Variants in TMEM45B observed in about 807,000 individuals in gnomAD.
TMEM45B encodes the protein transmembrane protein 45B.
In TMEM45B, 29 loss-of-function variants were observed where a neutral mutation model predicts 27.3. The observed-to-expected ratio is 1.06, with a 90% CI of 0.79 to 1.45. The LOEUF is 1.45. Ranked by LOEUF, TMEM45B falls within the 40% of genes most tolerant of loss-of-function variation. The pLI is 0.00. For synonymous variants in TMEM45B, 143 were observed against 134.7 expected, an observed-to-expected ratio of 1.06 and a Z score of -0.43; for missense variants, 348 against 343.9, an observed-to-expected ratio of 1.01 and a Z score of -0.09.
chr11:129,854,222 TTC>T (rs1947888595), intron 2 of TMEM45B, among the ~76,000 whole-genome samples: 1 of 152,228 alleles, frequency 6.6e-6, no homozygotes, highest in Admixed American at 6.5e-5. Flanking sequence ...TGTCTGGGAT[TTC>T]TTTCACTGCT....
Position 129,846,569 on chromosome 11 carries a change from G to A in TMEM45B, c.-8-5906G>A, listed in dbSNP as rs1013425142. Among the ~76,000 whole-genome samples the A allele has an allele frequency of 4.6e-5, 7 of 152,122 alleles. No individual in the cohort carries two copies. In the East Asian group the frequency reaches 9.6e-4, roughly 21 times the overall value. ...TTACTGAGTGCTCACTCTGTGTCTG[G>A]CCCTGCGGTAAGCTGTGGACTAACC... On this transcript the variant is annotated intron_variant, in intron 1 of 5. Coordinates refer to ENST00000281441, the MANE Select transcript of TMEM45B (RefSeq NM_138788.5).
chr11:129,828,379 G>A (rs779185121), intron 1 of TMEM45B: 4 of 152,196 alleles, frequency 2.6e-5, no homozygotes, highest in African/African-American at 4.8e-5. Context: ...TCCCACACAG[G>A]AAATAACAAT....
chr11:129,819,973 C>G (rs897492624), intron 1 of TMEM45B, among the ~76,000 whole-genome samples: 1 of 152,128 alleles, frequency 6.6e-6, no homozygotes, highest in Non-Finnish European at 1.5e-5. Flanking sequence ...GTGACGGAAC[C>G]AGAGAGAATC....
chr11:129,820,267 A>G (rs764330216), intron 1 of TMEM45B, among the ~76,000 whole-genome samples: 2 of 152,098 alleles, frequency 1.3e-5, no homozygotes, highest in Non-Finnish European at 1.5e-5. Context: ...GTGAGCCGAG[A>G]TCATGCCACT....
At chr11:129,832,576 G>A (rs10894149) in intron 1 of TMEM45B, among the ~76,000 whole-genome samples, 14,917 of 143,452 alleles carry the variant, frequency 0.1, 786 homozygotes, top group Admixed American at 0.13. Context: ...CCATCAATTT[G>A]TATGGGATTT....
chr11:129,839,012 T>C (rs1947658192), intron 1 of TMEM45B, among the ~76,000 whole-genome samples: 1 of 152,248 alleles, frequency 6.6e-6, no homozygotes, highest in Non-Finnish European at 1.5e-5. Flanking sequence ...TCTGTGACTC[T>C]GCTTCCCTCT....
In TMEM45B at chr11:129,815,883, G is replaced by A; in HGVS notation, c.-24G>A. 1 of 1,305,010 alleles carries A rather than the reference G, an allele frequency of 7.7e-7. No homozygotes were observed. The highest frequency in any genetic ancestry group is 9.7e-7 in the Non-Finnish European group (1 of 1,035,058). The allele number at this position is 1,305,010 out of a possible 1,614,324, so 80.8% of individuals were successfully genotyped here. On this transcript the variant is annotated 5_prime_UTR_variant, in exon 1 of 6. Transcript: ENST00000281441. ...CGCGGCGCGGGCTGCAGACGGCTGC[G>A]AGGCGCTGGGCACAGGTCAGACGTC...
intron 5 of TMEM45B, among the ~76,000 whole-genome samples, chr11:129,858,213 A>G (rs1947957444): frequency 6.6e-6 from 1 of 152,136 alleles, no homozygotes; most frequent in Admixed American, 6.5e-5. Context: ...CCCAAGCAGA[A>G]TATTAGGTTG....
At chr11:129,855,633 A>T (rs1026137170) in intron 3 of TMEM45B, 75 bp from the exon 4 acceptor site, 4 of 1,499,160 alleles carry the variant, frequency 2.7e-6, no homozygotes, top group Non-Finnish European at 3.7e-6. Context: ...CCTAGCTGAG[A>T]CAGGTGTAGG....
chr11:129,832,321 G>A (rs931940466), intron 1 of TMEM45B, among the ~76,000 whole-genome samples: 5 of 152,126 alleles, frequency 3.3e-5, no homozygotes, highest in African/African-American at 1.2e-4. Context: ...AGTGAGCCGA[G>A]ATCGCACCAC....
In TMEM45B at chr11:129,858,843, G is replaced by A. The variant is rs925736431; in HGVS notation, c.*158G>A. On this transcript the variant is annotated 3_prime_UTR_variant, in exon 6 of 6. Coordinates refer to ENST00000281441, the MANE Select transcript of TMEM45B (RefSeq NM_138788.5). ...TGGAGGTTCTACAACAGGAAATCAG[G>A]CCTACAGCATCCTGTGTATCTTGCA... 23 of 521,000 alleles carry A rather than the reference G, an allele frequency of 4.4e-5. No individual in the cohort carries two copies. The highest frequency in any genetic ancestry group is 7.2e-5 in the Non-Finnish European group (21 of 292,930). 32.3% of individuals were successfully genotyped at this position (521,000 alleles called of 1,614,324 possible). A position where few individuals can be genotyped will look rare whatever the true frequency, so the allele number is the denominator to read the frequency against.
intron 1 of TMEM45B, among the ~76,000 whole-genome samples, chr11:129,826,358 G>C (rs1362142866): frequency 6.6e-6 from 1 of 151,740 alleles, no homozygotes; most frequent in Non-Finnish European, 1.5e-5. Flanking sequence ...GACCATCCTG[G>C]CTAACACAGT....
intron 1 of TMEM45B, among the ~76,000 whole-genome samples, chr11:129,838,608 G>A (rs527792273): frequency 9.1e-4 from 138 of 152,208 alleles, no homozygotes; most frequent in Non-Finnish European, 1.6e-3. Context: ...TCATAGTAAA[G>A]ATAAAATATA....
In TMEM45B at chr11:129,855,895, G is replaced by C; in HGVS notation, c.570+3G>C. The C allele has an allele frequency of 6.2e-7, 1 of 1,613,920 alleles. No individual in the cohort carries two copies. Among genetic ancestry groups the C allele is most frequent in the Non-Finnish European group, 8.5e-7 (1 of 1,179,918 alleles). ...TTCAGGGAACCTGGTTCTGGCAGGT[G>C]ATTTTCCACACCCAGGCCCCTCGCT... On this transcript the variant is annotated splice_donor_region_variant and intron_variant, in intron 4 of 5. Transcript: ENST00000281441.
intron 1 of TMEM45B, among the ~76,000 whole-genome samples, chr11:129,816,257 G>A (rs1178513384): frequency 6.6e-6 from 1 of 152,162 alleles, no homozygotes; most frequent in Non-Finnish European, 1.5e-5. Flanking sequence ...GCCCGGTGAG[G>A]GGAAGGTGTG....
At chr11:129,822,901 C>T (rs562889178) in intron 1 of TMEM45B, among the ~76,000 whole-genome samples, 17 of 145,382 alleles carry the variant, frequency 1.2e-4, no homozygotes, top group Admixed American at 2.8e-4. Context: ...AGTGCAGTGG[C>T]GCGATCTCAG....
At chr11:129,821,621 A>C (rs1947420923) in intron 1 of TMEM45B, among the ~76,000 whole-genome samples, 1 of 152,050 alleles carries the variant, frequency 6.6e-6, no homozygotes, top group African/African-American at 2.4e-5. Context: ...CTTCCTTCAC[A>C]CTTGCTTGCT....
At chr11:129,850,323 C>A (rs1267335526) in intron 1 of TMEM45B, 1 of 152,144 alleles carries the variant, frequency 6.6e-6, no homozygotes, top group African/African-American at 2.4e-5. Context: ...TGCCACCGCG[C>A]CCGGCTAATT....
chr11:129,820,899 T>C (rs552628364), intron 1 of TMEM45B, among the ~76,000 whole-genome samples: 1 of 152,242 alleles, frequency 6.6e-6, no homozygotes, highest in Admixed American at 6.5e-5. Flanking sequence ...ATATTCTAAA[T>C]AGCATGCAGA....
Sources: gnomAD v4.1 joint callset for allele counts (sites outside exome capture counted in the v4.1 genomes callset) on GRCh38, gnomAD v4.1.1 for gene constraint, MANE v1.5 for transcripts, NCBI Gene and HGNC (gene_info 2026-07-23, HGNC 2026-07-21) for gene names.